The following TAF2 variants were observed in gnomAD, a reference collection of about 807,000 sequenced individuals.
TAF2 encodes the protein TATA-box binding protein associated factor 2.
In TAF2, 61 loss-of-function variants were observed where a neutral mutation model predicts 138.5. The observed-to-expected ratio is 0.44, with a 90% CI of 0.36 to 0.54. The LOEUF (loss-of-function observed/expected upper bound fraction) is 0.54. TAF2 is among the 20% of genes least tolerant of loss of function. The pLI is 0.00. For synonymous variants in TAF2, 475 were observed against 469.9 expected (o/e 1.01, Z -0.14); for missense variants, 1,090 against 1,427.9 (o/e 0.76, Z 3.81).
intron 2 of TAF2, among the ~76,000 whole-genome samples, chr8:119,820,315 A>G (rs1465599279): frequency 6.6e-6 from 1 of 152,222 alleles, no homozygotes; most frequent in Non-Finnish European, 1.5e-5. Context: ...CAGGACTCCA[A>G]CGTGAAGAGA....
At chr8:119,793,319 T>C in intron 10 of TAF2, 47 bp downstream of exon 10, 1 of 1,467,654 alleles carries the variant, frequency 6.8e-7, no homozygotes, top group East Asian at 2.3e-5. Context: ...GAATAATTGT[T>C]ATATATAGTC....
intron 20 of TAF2, among the ~76,000 whole-genome samples, chr8:119,760,166 C>T (rs1162534930): frequency 6.6e-6 from 1 of 152,050 alleles, no homozygotes; most frequent in Non-Finnish European, 1.5e-5. Flanking sequence ...CTTCCCTTAG[C>T]GACTTTTTTG....
At chr8:119,797,635 G>A in intron 7 of TAF2, 27 bp downstream of exon 7, 1 of 1,599,330 alleles carries the variant, frequency 6.3e-7, no homozygotes, top group Admixed American at 1.7e-5. Context: ...CTTAATTTAG[G>A]CATTTCAAAT....
At chr8:119,758,046 T>C in intron 21 of TAF2, 27 bp downstream of exon 21, 1 of 1,589,022 alleles carries the variant, frequency 6.3e-7, no homozygotes, top group Non-Finnish European at 8.6e-7. Flanking sequence ...TTACAAAATA[T>C]CATAGCATCA....
chr8:119,781,726 C>T (rs1477485125), intron 16 of TAF2, among the ~76,000 whole-genome samples: 6 of 151,024 alleles, frequency 4.0e-5, no homozygotes, highest in East Asian at 2.0e-4. Flanking sequence ...GATGGAGTCT[C>T]GTTCTATCGC....
chr8:119,793,866 T>C (rs965551835), intron 9 of TAF2, among the ~76,000 whole-genome samples: 2 of 145,964 alleles, frequency 1.4e-5, no homozygotes, highest in Admixed American at 7.1e-5. Flanking sequence ...ATGACATAAA[T>C]TGAACTTTTA....
rs969295041 is a variant in TAF2, at chr8:119,787,636, T to C, written c.1793+702A>G. On this transcript the variant is annotated intron_variant, in intron 14 of 25. Coordinates refer to ENST00000378164, the MANE Select transcript of TAF2 (RefSeq NM_003184.4). The stretch of plus-strand genomic sequence containing the variant: ...AGAAATAGGAATGCTTTTACACTGT[T>C]GGTGGAAGTGTAAATTAGTTCAACC... Among the ~76,000 whole-genome samples, 4 of 152,338 alleles carry C rather than the reference T, an allele frequency of 2.6e-5. No homozygotes were observed. The South Asian group carries it at 8.3e-4, about 32-fold the overall frequency.
At chr8:119,804,063 G>A in intron 4 of TAF2, 44 bp from the exon 5 acceptor site, 1 of 1,606,486 alleles carries the variant, frequency 6.2e-7, no homozygotes. Context: ...ATAAGTTACA[G>A]TGGTCTATAT....
intron 16 of TAF2, among the ~76,000 whole-genome samples, chr8:119,783,049 T>C (rs1822783960): frequency 6.6e-6 from 1 of 152,092 alleles, no homozygotes; most frequent in Non-Finnish European, 1.5e-5. Flanking sequence ...TGTACTACAA[T>C]GTAAAACATC....
chr8:119,797,916 ACCT>A (rs1823944938), intron 6 of TAF2, 70 bp from the exon 7 acceptor site: 1 of 1,343,064 alleles, frequency 7.4e-7, no homozygotes, highest in Admixed American at 1.9e-5. Context: ...TTTCCTAAAC[ACCT>A]CAACTATAAA....
intron 25 of TAF2, among the ~76,000 whole-genome samples, chr8:119,740,780 T>C (rs932424432): frequency 2.0e-5 from 3 of 152,022 alleles, no homozygotes; most frequent in Non-Finnish European, 4.4e-5. Flanking sequence ...CAAAACACTA[T>C]TATTTGTAAA....
intron 22 of TAF2, among the ~76,000 whole-genome samples, chr8:119,750,679 A>G (rs896175444): frequency 6.6e-6 from 1 of 152,102 alleles, no homozygotes; most frequent in Non-Finnish European, 1.5e-5. Context: ...GGTATTAGGG[A>G]GAGAGACGGT....
At chr8:119,812,650 C>T (rs1402765301) in intron 3 of TAF2, among the ~76,000 whole-genome samples, 1 of 152,022 alleles carries the variant, frequency 6.6e-6, no homozygotes, top group Non-Finnish European at 1.5e-5. Context: ...AGAATACTGG[C>T]CTCCAGTTCC....
chr8:119,772,515 G>T (rs1272716175), intron 18 of TAF2, among the ~76,000 whole-genome samples: 1 of 151,984 alleles, frequency 6.6e-6, no homozygotes, highest in Non-Finnish European at 1.5e-5. Flanking sequence ...TTACTACTCG[G>T]GTAATGGGTA....
chr8:119,814,765 C>T (rs975679790), intron 3 of TAF2, among the ~76,000 whole-genome samples: 129 of 146,494 alleles, frequency 8.8e-4, no homozygotes, highest in African/African-American at 3.0e-3. Context: ...AAAAATTAGC[C>T]GGGTGTGGTG....
Position 119,831,731 on chromosome 8 carries a change from T to A in TAF2, c.84A>T (p.Leu28Phe). 1.3e-6 allele frequency: 2 copies of A among 1,569,078 alleles called. No homozygotes were observed. The highest frequency in any genetic ancestry group is 8.7e-7 in the Non-Finnish European group (1 of 1,153,292). ...TGTTGATGCAGACGACCTGATGGGT[T>A]GTATATTAATAAATATAAAAAGAAA... ...KGFESPRPYK[L>F]THQVVCINNI... Residue 28 changes from leucine to phenylalanine, a missense_variant and splice_region_variant, in exon 2 of 26, where the codon TTA (leucine) becomes TTT (phenylalanine). Leu to Phe is a conservative substitution (Grantham distance 22). This residue lies in a region of TAF2 where 504 missense variants were observed against 680.9 expected (regional missense o/e 0.74). Coordinates refer to ENST00000378164, the MANE Select transcript of TAF2 (RefSeq NM_003184.4).
At position 119,783,558 on chromosome 8, in the gene TAF2, A is replaced by G. The variant is rs1822819698; in HGVS notation, c.1935T>C (p.Ala645=). The change falls in exon 16 of 26, where the codon GCT becomes GCC. Residue 645 remains alanine (A), a synonymous_variant. Coordinates refer to ENST00000378164, the MANE Select transcript of TAF2 (RefSeq NM_003184.4). The part of the protein sequence containing the change: ...SVLRKVEFEQ[A]DFMWQYQLRY... ...GGAGCTGATACTGCCACATAAAATC[A>G]GCTTGCTCAAATTCTACCTTCCTCA... 1 of 1,614,194 alleles carries G rather than the reference A, an allele frequency of 6.2e-7. No individual in the cohort carries two copies. The highest frequency in any genetic ancestry group is 2.2e-5 in the East Asian group (1 of 44,876).
At chr8:119,755,769 T>A (rs1364004162) in intron 22 of TAF2, among the ~76,000 whole-genome samples, 1 of 152,158 alleles carries the variant, frequency 6.6e-6, no homozygotes, top group Non-Finnish European at 1.5e-5. Context: ...CTTAACCATT[T>A]GACACTTTCA....
rs773568492 is a variant in TAF2, at chr8:119,783,443, T to C, written c.2050A>G (p.Ile684Val). 15 of 1,614,066 alleles carry C rather than the reference T, an allele frequency of 9.3e-6. No homozygotes were observed. Among genetic ancestry groups the C allele is most frequent in the Non-Finnish European group, 1.1e-5 (13 of 1,180,038 alleles). Reference sequence around the variant, plus strand: ...TAGAAACACTGCTCTTGTTCTAATATATCAGTGAGTGCAAGCCGAGATGCT... The same window carrying C: ...TAGAAACACTGCTCTTGTTCTAATACATCAGTGAGTGCAAGCCGAGATGCT... ...TPASRLALTD[I>V]LEQEQCFYRV... The change falls in exon 16 of 26, where the codon ATA (isoleucine) becomes GTA (valine). Residue 684 changes from isoleucine (I) to valine (V), a missense_variant. Ile to Val is a conservative substitution (Grantham distance 29, BLOSUM62 3). Coordinates refer to ENST00000378164, the MANE Select transcript of TAF2 (RefSeq NM_003184.4).
Sources: gnomAD v4.1 joint callset for allele counts (sites outside exome capture counted in the v4.1 genomes callset) on GRCh38, gnomAD v4.1.1 for gene constraint, gnomAD v4.1.1 regional missense constraint, MANE v1.5 for transcripts, NCBI Gene and HGNC (gene_info 2026-07-23, HGNC 2026-07-21) for gene names.